The following NIPSNAP1 variants were observed in gnomAD, a reference collection of about 807,000 sequenced individuals.
NIPSNAP1 encodes nipsnap homolog 1, also known as protein NipSnap homolog 1.
A neutral mutation model predicts 49.2 loss-of-function variants in NIPSNAP1; 25 were observed. The ratio of observed to expected loss-of-function variants is 0.51; its 90% CI spans 0.37 to 0.71. The LOEUF is 0.71. Ranked by LOEUF, NIPSNAP1 falls within the 30% of genes least tolerant of loss-of-function variation. The probability of loss-of-function intolerance (pLI) is 0.00; values close to 1 mark genes in which losing one functional copy is unlikely to be tolerated. For synonymous variants in NIPSNAP1, 143 were observed against 140.7 expected, an observed-to-expected ratio of 1.02 and a Z score of -0.12; for missense variants, 294 against 361.0, an observed-to-expected ratio of 0.81 and a Z score of 1.50.
chr22:29,573,439 C>G (rs754093008), intron 1 of NIPSNAP1, among the ~76,000 whole-genome samples: 12 of 152,094 alleles, frequency 7.9e-5, no homozygotes, highest in Non-Finnish European at 7.4e-5. Flanking sequence ...AGGCGGATCA[C>G]TTGAGCTCAG....
intron 1 of NIPSNAP1, among the ~76,000 whole-genome samples, chr22:29,579,065 C>A (rs1475149789): frequency 1.3e-5 from 2 of 150,992 alleles, no homozygotes; most frequent in East Asian, 3.9e-4. Flanking sequence ...CTAGACACTT[C>A]ACAACCACGG....
At chr22:29,568,988 G>A (rs1159212724) in intron 4 of NIPSNAP1, among the ~76,000 whole-genome samples, 1 of 152,102 alleles carries the variant, frequency 6.6e-6, no homozygotes, top group Admixed American at 6.6e-5. Flanking sequence ...GGCAGGGCCG[G>A]GAAGGAGTCA....
chr22:29,572,818 AAATAAAATAC>A (rs2064420582), intron 1 of NIPSNAP1, among the ~76,000 whole-genome samples: 1 of 151,780 alleles, frequency 6.6e-6, no homozygotes, highest in South Asian at 2.1e-4. Flanking sequence ...AAATAAAATA[AAATAAAATAC>A]AATAATTAGC....
intron 9 of NIPSNAP1, among the ~76,000 whole-genome samples, chr22:29,558,414 A>G (rs1432739821): frequency 6.6e-6 from 1 of 152,166 alleles, no homozygotes; most frequent in Admixed American, 6.5e-5. Flanking sequence ...GGCTACAGTG[A>G]GCCAAGATCA....
At chr22:29,558,845 G>T (rs376496115) in intron 9 of NIPSNAP1, 25 bp downstream of exon 9, 61 of 1,555,422 alleles carry the variant, frequency 3.9e-5, no homozygotes, top group Non-Finnish European at 5.4e-5. Context: ...GTTCTCAGCA[G>T]AAGACCTCCA....
chr22:29,562,607 C>T (rs1419246903), intron 4 of NIPSNAP1, among the ~76,000 whole-genome samples: 3 of 151,950 alleles, frequency 2.0e-5, no homozygotes, highest in Non-Finnish European at 4.4e-5. Context: ...AGGAGAATCA[C>T]TTGAACCTGG....
chr22:29,575,260 C>A (rs1168908239), intron 1 of NIPSNAP1, among the ~76,000 whole-genome samples: 2 of 152,138 alleles, frequency 1.3e-5, no homozygotes, highest in Admixed American at 1.3e-4. Context: ...AGTCAAATAG[C>A]CAGCCCTGAA....
intron 1 of NIPSNAP1, among the ~76,000 whole-genome samples, chr22:29,577,405 A>ACCATGCCTGGCTAATTTTTTTT (rs2064461059): frequency 6.8e-6 from 1 of 147,692 alleles, no homozygotes; most frequent in African/African-American, 2.5e-5. Context: ...GACATGTGTC[A>ACCATGCCTGGCTAATTTTTTTT]CCATGCCTGG....
At chr22:29,566,466 G>A (rs2146607787) in intron 4 of NIPSNAP1, among the ~76,000 whole-genome samples, 1 of 152,174 alleles carries the variant, frequency 6.6e-6, no homozygotes, top group African/African-American at 2.4e-5. Context: ...CTACAGGTGA[G>A]CACCTTGGCA....
At position 29,560,729 on chromosome 22, in the gene NIPSNAP1, C is replaced by T; in HGVS notation, c.706+5G>A. ...CAAAAGGCTCCTGGAAGGTCCTCAA[C>T]CTACCCCAGAGATGGTGCACCACGT... On this transcript the variant is annotated splice_donor_5th_base_variant and intron_variant, in intron 8 of 9. Coordinates refer to ENST00000216121, the MANE Select transcript of NIPSNAP1 (RefSeq NM_003634.4). 2 of 1,613,740 alleles carry T rather than the reference C, an allele frequency of 1.2e-6. No individual in the cohort carries two copies.
chr22:29,559,361 C>T (rs898773948), intron 8 of NIPSNAP1, among the ~76,000 whole-genome samples: 1 of 152,060 alleles, frequency 6.6e-6, no homozygotes, highest in South Asian at 2.1e-4. Context: ...GCCAACATAG[C>T]GAAACTCTGT....
chr22:29,558,831 C>CAG, intron 9 of NIPSNAP1, 39 bp downstream of exon 9: 1 of 1,439,972 alleles, frequency 6.9e-7, no homozygotes, highest in Non-Finnish European at 9.8e-7. Context: ...CATCCTCAGA[C>CAG]AGGGTTCTCA....
intron 3 of NIPSNAP1, among the ~76,000 whole-genome samples, chr22:29,569,688 AAAAAG>A (rs1036173282): frequency 6.6e-5 from 10 of 151,496 alleles, no homozygotes; most frequent in Admixed American, 1.3e-4. Context: ...TAAAAAAAAA[AAAAAG>A]AAAGAAAGAA....
At chr22:29,575,208 C>CA (rs1256988736) in intron 1 of NIPSNAP1, among the ~76,000 whole-genome samples, 3 of 152,122 alleles carry the variant, frequency 2.0e-5, no homozygotes, top group Non-Finnish European at 4.4e-5. Context: ...AAGGACTAGA[C>CA]AGAGTAATTT....
At chr22:29,568,178 CAAAAAAAA>C (rs33974680) in intron 4 of NIPSNAP1, among the ~76,000 whole-genome samples, 12 of 40,632 alleles carry the variant, frequency 3.0e-4, no homozygotes, top group African/African-American at 1.3e-4. Flanking sequence ...GACCCTGTCT[CAAAAAAAA>C]AAAAAAAAAA....
intron 8 of NIPSNAP1, 44 bp from the exon 9 acceptor site, chr22:29,558,997 G>C: frequency 7.0e-7 from 1 of 1,422,988 alleles, no homozygotes; most frequent in Non-Finnish European, 9.9e-7. Flanking sequence ...CAGAGGACTG[G>C]ATCCCTTACC....
rs141622407 is a variant in NIPSNAP1 at position 29,557,362 on chromosome 22, C to T, written c.791-1363G>A. 1.2e-3 allele frequency among the ~76,000 whole-genome samples: 190 copies of T among 152,240 alleles called. 1 individual carries two copies. The highest frequency in any genetic ancestry group is 6.8e-3 in the Middle Eastern group (2 of 294). On this transcript the variant is annotated intron_variant, in intron 9 of 9. Transcript: ENST00000216121. ...CTCCAACTCCTGGCCTCAATTGATC[C>T]ACATACCTCAACTTCATAGTGCTGG...
chr22:29,560,947 G>A, intron 7 of NIPSNAP1, 119 bp from the exon 8 acceptor site: 1 of 1,027,062 alleles, frequency 9.7e-7, no homozygotes, highest in East Asian at 2.4e-5. Context: ...CCTCCGGGAT[G>A]CTGAGAGAAA....
intron 4 of NIPSNAP1, among the ~76,000 whole-genome samples, chr22:29,568,414 T>C (rs1323233993): frequency 1.5e-5 from 2 of 135,944 alleles, no homozygotes; most frequent in African/African-American, 2.8e-5. Flanking sequence ...ACTCAGGAGG[T>C]GGAGGTTGCA....
Sources: allele counts gnomAD v4.1 joint callset (sites outside exome capture counted in the v4.1 genomes callset), GRCh38; gene constraint gnomAD v4.1.1; transcripts MANE v1.5; gene names NCBI Gene and HGNC (gene_info 2026-07-23, HGNC 2026-07-21).